The following TENM3 variants were observed in gnomAD, a reference collection of about 807,000 sequenced individuals.
TENM3 encodes the protein teneurin-3.
Under a neutral mutation model 255.1 loss-of-function variants are expected in TENM3, and 63 were observed. That is an observed-to-expected ratio of 0.25 (90% CI 0.20 to 0.30). The LOEUF (loss-of-function observed/expected upper bound fraction) is 0.30. Ranked by LOEUF, TENM3 falls within the 10% of genes least tolerant of loss-of-function variation. TENM3 has a pLI of 1.00. For missense variants in TENM3, 2,929 were observed against 3,461.1 expected, an observed-to-expected ratio of 0.85 and a Z score of 3.86; for synonymous variants, 1,306 against 1,322.3, an observed-to-expected ratio of 0.99 and a Z score of 0.27.
chr4:181,520,449 A>G, the TENM3 span, among the ~76,000 whole-genome samples: 6 of 152,162 alleles, frequency 3.9e-5, no homozygotes, highest in African/African-American at 1.2e-4. Flanking sequence ...GCATGTGTAC[A>G]TATATCTCTA....
intron 5 of TENM3, among the ~76,000 whole-genome samples, chr4:182,651,909 T>C (rs1753342779): frequency 6.6e-6 from 1 of 152,194 alleles, no homozygotes; most frequent in South Asian, 2.1e-4. Flanking sequence ...AACTACCAAA[T>C]TTTTAAAGTT....
At chr4:182,773,890 C>CAACTTCAT (rs1314886683) in intron 23 of TENM3, 4 of 342,704 alleles carry the variant, frequency 1.2e-5, no homozygotes, top group Non-Finnish European at 1.0e-5. Flanking sequence ...TGTATTAAAA[C>CAACTTCAT]AACTTCATTC....
chr4:182,623,041 C>T (rs193186953), intron 4 of TENM3, among the ~76,000 whole-genome samples: 162 of 143,474 alleles, frequency 1.1e-3, no homozygotes, highest in African/African-American at 4.1e-3. Context: ...GACTGAGTCT[C>T]GCTCCATTGC....
At chr4:182,260,804 A>C (rs759449578) in intron 1 of TENM3, among the ~76,000 whole-genome samples, 11 of 152,240 alleles carry the variant, frequency 7.2e-5, no homozygotes, top group African/African-American at 1.9e-4. Context: ...ATCATCAGTT[A>C]GTGAACTGTA....
the TENM3 span, among the ~76,000 whole-genome samples, chr4:181,733,751 C>A: frequency 2.6e-5 from 4 of 152,224 alleles, no homozygotes; most frequent in South Asian, 6.2e-4. Context: ...TACTTAGAGT[C>A]CCCGGAAGAG....
chr4:182,534,074 G>A (rs892175057), intron 3 of TENM3, among the ~76,000 whole-genome samples: 2 of 152,164 alleles, frequency 1.3e-5, no homozygotes, highest in African/African-American at 4.8e-5. Flanking sequence ...CTTGCTTAGA[G>A]AGCTATGTGC....
chr4:181,476,880 C>T, the TENM3 span, among the ~76,000 whole-genome samples: 2 of 152,156 alleles, frequency 1.3e-5, no homozygotes, highest in African/African-American at 2.4e-5. Context: ...ATTTGGCACT[C>T]ATCTCTCCAA....
chr4:181,810,975 AAG>A, the TENM3 span, among the ~76,000 whole-genome samples: 2 of 152,022 alleles, frequency 1.3e-5, no homozygotes, highest in Non-Finnish European at 2.9e-5. Context: ...GTTATGAGGA[AAG>A]AGGGGATAGA....
At chr4:181,790,150 T>C in the TENM3 span, among the ~76,000 whole-genome samples, 2 of 152,232 alleles carry the variant, frequency 1.3e-5, no homozygotes, top group South Asian at 2.1e-4. Context: ...AGTGTCAGAA[T>C]TGAATTGAAG....
the TENM3 span, among the ~76,000 whole-genome samples, chr4:182,067,008 C>G: frequency 1.3e-5 from 2 of 152,280 alleles, no homozygotes; most frequent in South Asian, 4.2e-4. Flanking sequence ...CTGACCATGG[C>G]TCTGCCAGGA....
At chr4:181,920,998 C>A in the TENM3 span, among the ~76,000 whole-genome samples, 1 of 152,170 alleles carries the variant, frequency 6.6e-6, no homozygotes, top group African/African-American at 2.4e-5. Flanking sequence ...GGAATCCTTT[C>A]CCCATTGCTT....
intron 3 of TENM3, among the ~76,000 whole-genome samples, chr4:182,381,606 A>G (rs1352300426): frequency 8.3e-6 from 1 of 120,670 alleles, no homozygotes; most frequent in African/African-American, 3.2e-5. Context: ...CCCAGGCTGG[A>G]GTGCAATGGT....
intron 1 of TENM3, among the ~76,000 whole-genome samples, chr4:182,207,531 G>A (rs1201408754): frequency 6.6e-6 from 1 of 152,206 alleles, no homozygotes; most frequent in Admixed American, 6.5e-5. Context: ...TAAAATTATA[G>A]CTGATGCTCC....
rs112955786 is a variant in TENM3, at chr4:182,335,420, G to A, written c.232+11168G>A. Among the ~76,000 whole-genome samples, 815 of 142,438 alleles carry A rather than the reference G, an allele frequency of 5.7e-3. 12 individuals carry two copies. The highest frequency in any genetic ancestry group is 0.02 in the African/African-American group (772 of 39,378). The allele number at this position is 142,438 out of a possible 152,430, so 93.4% of individuals were successfully genotyped here. A position where few individuals can be genotyped will look rare whatever the true frequency, so the allele number is the denominator to read the frequency against. On this transcript the variant is annotated intron_variant, in intron 2 of 27. Transcript: ENST00000511685. Reference sequence around the variant, plus strand: ...TGAGGCAGGAGAATGGCGTGAACCCGGGAGGCGGAGCTTGCAGTGAGCCGA... The same window carrying A: ...TGAGGCAGGAGAATGGCGTGAACCCAGGAGGCGGAGCTTGCAGTGAGCCGA...
At chr4:181,674,608 C>A in the TENM3 span, among the ~76,000 whole-genome samples, 1 of 152,086 alleles carries the variant, frequency 6.6e-6, no homozygotes, top group Non-Finnish European at 1.5e-5. Context: ...CACAGACCTT[C>A]TATTAGGTTT....
At chr4:182,450,745 C>A (rs1179229035) in intron 3 of TENM3, among the ~76,000 whole-genome samples, 1 of 152,088 alleles carries the variant, frequency 6.6e-6, no homozygotes, top group Non-Finnish European at 1.5e-5. Context: ...ACATTCTAGA[C>A]AAAGAGGGAG....
At chr4:181,535,614 C>T in the TENM3 span, among the ~76,000 whole-genome samples, 1 of 152,206 alleles carries the variant, frequency 6.6e-6, no homozygotes, top group African/African-American at 2.4e-5. Flanking sequence ...TAATGGCTTA[C>T]AAAGCCAAAT....
intron 5 of TENM3, among the ~76,000 whole-genome samples, chr4:182,639,084 G>C (rs1362271928): frequency 2.0e-5 from 3 of 152,084 alleles, no homozygotes; most frequent in Admixed American, 6.5e-5. Flanking sequence ...AAACTTAGCT[G>C]TTTTTGAATA....
chr4:181,768,386 G>A, the TENM3 span, among the ~76,000 whole-genome samples: 1 of 152,166 alleles, frequency 6.6e-6, no homozygotes, highest in African/African-American at 2.4e-5. Context: ...TAGTGCCAAG[G>A]CTGAAAAACT....
Sources: gnomAD v4.1 joint callset for allele counts (sites outside exome capture counted in the v4.1 genomes callset) on GRCh38, gnomAD v4.1.1 for gene constraint, MANE v1.5 for transcripts, NCBI Gene and HGNC (gene_info 2026-07-23, HGNC 2026-07-21) for gene names.